The following CHCHD3 variants were observed in gnomAD, a reference collection of about 807,000 sequenced individuals.
The protein encoded by CHCHD3 is MICOS complex subunit MIC19.
Under a neutral mutation model 38.2 loss-of-function variants are expected in CHCHD3, and 20 were observed. The ratio of observed to expected loss-of-function variants is 0.52; its 90% confidence interval spans 0.37 to 0.76. CHCHD3 has a LOEUF of 0.76. Ranked by LOEUF, CHCHD3 falls within the 30% of genes least tolerant of loss-of-function variation. The probability of loss-of-function intolerance (pLI) is 0.00; values close to 1 mark genes in which losing one functional copy is unlikely to be tolerated. For missense variants in CHCHD3, 245 were observed against 279.2 expected, an observed-to-expected ratio of 0.88 and a Z score of 0.87; for synonymous variants, 82 against 100.0, an observed-to-expected ratio of 0.82 and a Z score of 1.07.
intron 4 of CHCHD3, among the ~76,000 whole-genome samples, chr7:132,962,287 CA>C (rs1811338802): frequency 6.6e-6 from 1 of 152,038 alleles, no homozygotes; most frequent in African/African-American, 2.4e-5. Context: ...ATTCATAAAA[CA>C]AAATTACTTT....
At chr7:132,888,311 A>T (rs1809266877) in intron 4 of CHCHD3, among the ~76,000 whole-genome samples, 1 of 151,852 alleles carries the variant, frequency 6.6e-6, no homozygotes, top group South Asian at 2.1e-4. Context: ...TTTATAGTCA[A>T]GGGGCAAAAG....
Position 133,082,068 on chromosome 7 carries a change from A to C in CHCHD3, c.-131T>G. The C allele has an allele frequency of 1.3e-6, 1 of 779,754 alleles. No individual in the cohort carries two copies. The highest frequency in any genetic ancestry group is 2.0e-6 in the Non-Finnish European group (1 of 506,158). The allele number at this position is 779,754 out of a possible 1,614,324, so 48.3% of individuals were successfully genotyped here. ...CGGGAGCAAGGCCACGACCCCCAGA[A>C]GCAAGGAGAAGGCGCCGGTCCTGAG... On this transcript the variant is annotated 5_prime_UTR_variant, in exon 1 of 8. Transcript: ENST00000262570.
chr7:132,848,269 A>C (rs1808130643), intron 5 of CHCHD3, among the ~76,000 whole-genome samples: 1 of 152,200 alleles, frequency 6.6e-6, no homozygotes, highest in Non-Finnish European at 1.5e-5. Flanking sequence ...GGCAGTTCCC[A>C]TTGTTGAGTA....
chr7:132,815,711 C>G (rs994928628), intron 6 of CHCHD3: 10 of 343,626 alleles, frequency 2.9e-5, no homozygotes, highest in Non-Finnish European at 5.1e-5. Context: ...TTTCGTCCTT[C>G]TTTTTTCCTT....
intron 5 of CHCHD3, among the ~76,000 whole-genome samples, chr7:132,848,275 G>C (rs2117111610): frequency 6.6e-6 from 1 of 152,292 alleles, no homozygotes; most frequent in Non-Finnish European, 1.5e-5. Flanking sequence ...TCCCATTGTT[G>C]AGTAGCCAGA....
intron 7 of CHCHD3, among the ~76,000 whole-genome samples, chr7:132,790,636 C>T (rs1158281243): frequency 3.9e-5 from 6 of 152,174 alleles, no homozygotes; most frequent in South Asian, 2.1e-4. Flanking sequence ...TGTCATCAAG[C>T]GATAATGATA....
intron 4 of CHCHD3, chr7:132,972,886 A>G: frequency 2.0e-6 from 2 of 985,176 alleles, no homozygotes; most frequent in Non-Finnish European, 2.4e-6. Flanking sequence ...CCAGTTTCTC[A>G]TGCTTCACCA....
intron 6 of CHCHD3, 42 bp from the exon 7 acceptor site, chr7:132,796,619 T>C: frequency 6.3e-7 from 1 of 1,578,316 alleles, no homozygotes; most frequent in Non-Finnish European, 8.7e-7. Flanking sequence ...ATGGTCTTCA[T>C]TCAGAATAAA....
chr7:132,876,861 G>A (rs1808927318), intron 5 of CHCHD3, among the ~76,000 whole-genome samples: 1 of 152,128 alleles, frequency 6.6e-6, no homozygotes, highest in Admixed American at 6.6e-5. Flanking sequence ...GCAGTTTAGT[G>A]TCTTGTAAAT....
At chr7:132,923,674 A>G in intron 4 of CHCHD3, among the ~76,000 whole-genome samples, 1 of 151,176 alleles carries the variant, frequency 6.6e-6, no homozygotes, top group South Asian at 2.1e-4. Flanking sequence ...CAAGTTCTTA[A>G]TCCAAATAAA....
chr7:132,866,328 A>G (rs779724252), intron 5 of CHCHD3, among the ~76,000 whole-genome samples: 1 of 152,188 alleles, frequency 6.6e-6, no homozygotes, highest in Non-Finnish European at 1.5e-5. Flanking sequence ...GCGACCTTGG[A>G]TAAAGTACAT....
chr7:133,037,918 C>T (rs1195725154), intron 2 of CHCHD3, among the ~76,000 whole-genome samples: 1 of 152,128 alleles, frequency 6.6e-6, no homozygotes, highest in East Asian at 1.9e-4. Context: ...CTTTATACTT[C>T]GTTGCAGTGT....
intron 2 of CHCHD3, among the ~76,000 whole-genome samples, chr7:133,039,291 G>A (rs1156978121): frequency 2.6e-5 from 4 of 152,122 alleles, no homozygotes; most frequent in African/African-American, 4.8e-5. Context: ...GACAGGACAC[G>A]ATAAGAGATA....
At chr7:133,016,073 A>T (rs940651667) in intron 3 of CHCHD3, among the ~76,000 whole-genome samples, 1 of 152,322 alleles carries the variant, frequency 6.6e-6, no homozygotes, top group Admixed American at 6.5e-5. Flanking sequence ...CACCTCCTAC[A>T]GGCCCCACTT....
chr7:132,845,296 A>C (rs1007457133), intron 5 of CHCHD3, among the ~76,000 whole-genome samples: 1 of 152,216 alleles, frequency 6.6e-6, no homozygotes, highest in African/African-American at 2.4e-5. Flanking sequence ...CTATTATTAA[A>C]AATTATTTGA....
At chr7:133,072,626 T>G (rs1354292905) in intron 1 of CHCHD3, among the ~76,000 whole-genome samples, 1 of 151,938 alleles carries the variant, frequency 6.6e-6, no homozygotes, top group African/African-American at 2.4e-5. Flanking sequence ...GATCACGAGG[T>G]CAGGAGATCG....
chr7:133,059,894 C>T (rs1200514693), intron 2 of CHCHD3, among the ~76,000 whole-genome samples: 1 of 152,192 alleles, frequency 6.6e-6, no homozygotes, highest in Non-Finnish European at 1.5e-5. Context: ...AGGCACCTAA[C>T]TTTATAATAC....
intron 6 of CHCHD3, chr7:132,815,676 A>T: frequency 2.2e-6 from 1 of 447,434 alleles, no homozygotes; most frequent in Non-Finnish European, 4.5e-6. Flanking sequence ...AAGATATGAA[A>T]ATTGCATTAT....
At chr7:132,884,488 G>C (rs909993816) in intron 5 of CHCHD3, among the ~76,000 whole-genome samples, 28 of 152,112 alleles carry the variant, frequency 1.8e-4, no homozygotes, top group African/African-American at 6.8e-4. Flanking sequence ...TCTGCTACAT[G>C]AATGAGAAAA....
Sources: allele counts gnomAD v4.1 joint callset (sites outside exome capture counted in the v4.1 genomes callset), GRCh38; gene constraint gnomAD v4.1.1; transcripts MANE v1.5; gene names NCBI Gene and HGNC (gene_info 2026-07-23, HGNC 2026-07-21).